The following GULP1 variants were observed in gnomAD, a reference collection of about 807,000 sequenced individuals.
The protein encoded by GULP1 is PTB domain-containing engulfment adapter protein 1.
A neutral mutation model predicts 40.9 loss-of-function variants in GULP1; 19 were observed. The observed-to-expected ratio is 0.46, with a 90% CI of 0.32 to 0.68. GULP1 has a LOEUF of 0.68. GULP1 is among the 30% of genes least tolerant of loss of function. The pLI is 0.03. For synonymous variants in GULP1, 119 were observed against 117.6 expected, an observed-to-expected ratio of 1.01 and a Z score of -0.08; for missense variants, 312 against 362.2, an observed-to-expected ratio of 0.86 and a Z score of 1.12.
At chr2:188,406,330 C>T (rs183056730) in intron 2 of GULP1, among the ~76,000 whole-genome samples, 1 of 152,188 alleles carries the variant, frequency 6.6e-6, no homozygotes, top group African/African-American at 2.4e-5. Context: ...AGTGAAAATA[C>T]TATATTATAA....
At chr2:188,560,176 TGAGTATAGCTTGTTA>T (rs1467819130) in intron 7 of GULP1, among the ~76,000 whole-genome samples, 3 of 152,194 alleles carry the variant, frequency 2.0e-5, no homozygotes, top group Non-Finnish European at 4.4e-5. Flanking sequence ...CTTATGCATA[TGAGTATAGCTTGTTA>T]GAAGCAGCCA....
In GULP1 at chr2:188,292,851, C is replaced by CG. The variant is rs2034081080; in HGVS notation, c.-172+690dup. 1 of 152,732 alleles carries CG rather than the reference C, an allele frequency of 6.5e-6. No homozygotes were observed. The highest frequency in any genetic ancestry group is 2.1e-4 in the South Asian group (1 of 4,830). The allele number at this position is 152,732 out of a possible 1,614,324, so 9.5% of individuals were successfully genotyped here. On this transcript the variant is annotated intron_variant, in intron 1 of 11. Transcript: ENST00000409830. The surrounding 1 kb of genome is among the most constrained non-coding windows in gnomAD (Gnocchi z 4.0). ...TTCTTCTGGAGGGCGCAAGGCGCGG[C>CG]GGGGGTGATGAGCCCTTGGGTTCTC...
chr2:188,415,278 G>T (rs145644543), intron 2 of GULP1, among the ~76,000 whole-genome samples: 2 of 152,102 alleles, frequency 1.3e-5, no homozygotes, highest in East Asian at 1.9e-4. Flanking sequence ...TAGAATGAAG[G>T]CTACTTTGGT....
intron 3 of GULP1, among the ~76,000 whole-genome samples, chr2:188,481,356 G>A (rs2061432700): frequency 6.6e-6 from 1 of 151,838 alleles, no homozygotes; most frequent in African/African-American, 2.4e-5. Flanking sequence ...TTTTGCCAAA[G>A]TATAAATTAG....
At chr2:188,452,990 C>CT (rs879545766) in intron 2 of GULP1, among the ~76,000 whole-genome samples, 192 of 144,898 alleles carry the variant, frequency 1.3e-3, no homozygotes, top group African/African-American at 1.9e-3. Context: ...TATATTTGCC[C>CT]TTTTTTTTTT....
intron 4 of GULP1, among the ~76,000 whole-genome samples, chr2:188,515,785 C>T (rs2065113379): frequency 6.6e-6 from 1 of 151,820 alleles, no homozygotes; most frequent in African/African-American, 2.4e-5. Context: ...TGATCGCTAC[C>T]CAGCACTTAG....
intron 1 of GULP1, among the ~76,000 whole-genome samples, chr2:188,323,535 C>A (rs2040297722): frequency 6.6e-6 from 1 of 151,660 alleles, no homozygotes; most frequent in African/African-American, 2.4e-5. Context: ...CTGAAGAATC[C>A]TCAATTTTTT....
chr2:188,446,373 A>T (rs1559250469), intron 2 of GULP1, among the ~76,000 whole-genome samples: 1 of 152,152 alleles, frequency 6.6e-6, no homozygotes, highest in Non-Finnish European at 1.5e-5. Flanking sequence ...TTATAAAATG[A>T]GATAATAAGA....
At chr2:188,310,215 A>T (rs34762706) in intron 1 of GULP1, among the ~76,000 whole-genome samples, 18,992 of 152,242 alleles carry the variant, frequency 0.12, 1,348 homozygotes, top group Middle Eastern at 0.17. Flanking sequence ...AGGGAAAAAG[A>T]GGAAAGGAAC....
chr2:188,541,537 C>T, intron 7 of GULP1: 1 of 595,486 alleles, frequency 1.7e-6, no homozygotes, highest in East Asian at 2.8e-5. Context: ...TGAGCATAAA[C>T]TTACATGTAA....
At chr2:188,520,292 C>T (rs1278880411) in intron 4 of GULP1, among the ~76,000 whole-genome samples, 1 of 151,864 alleles carries the variant, frequency 6.6e-6, no homozygotes, top group Non-Finnish European at 1.5e-5. Context: ...AATCCCAGCA[C>T]TTTGCGGGGC....
intron 2 of GULP1, among the ~76,000 whole-genome samples, chr2:188,449,352 C>T (rs928927240): frequency 2.0e-5 from 3 of 152,060 alleles, no homozygotes; most frequent in South Asian, 2.1e-4. Flanking sequence ...TTTCTTGTTT[C>T]GTCTTCCACA....
chr2:188,424,060 C>G (rs955362514), intron 2 of GULP1, among the ~76,000 whole-genome samples: 1 of 151,678 alleles, frequency 6.6e-6, no homozygotes, highest in African/African-American at 2.4e-5. Flanking sequence ...GCTCTTATTG[C>G]AGGAATCATT....
Position 188,483,494 on chromosome 2 carries a change from T to TA in GULP1, c.90+7dup. 7.8e-7 allele frequency: 1 copy of TA among 1,282,704 alleles called. No homozygotes were observed. The highest frequency in any genetic ancestry group is 1.1e-6 in the Non-Finnish European group (1 of 899,012). 79.5% of individuals were successfully genotyped at this position (1,282,704 alleles called of 1,614,324 possible). A position where few individuals can be genotyped will look rare whatever the true frequency, so the allele number is the denominator to read the frequency against. Reference sequence around the variant, plus strand: ...CATTTCATTCCCTATAATGCAAAGGTAAAAATAGTTCATTTATTATTTAAT... The same window carrying TA: ...CATTTCATTCCCTATAATGCAAAGGTAAAAAATAGTTCATTTATTATTTAAT... On this transcript the variant is annotated splice_region_variant and intron_variant, in intron 4 of 11. Coordinates refer to ENST00000409830, the MANE Select transcript of GULP1 (RefSeq NM_016315.4).
intron 1 of GULP1, among the ~76,000 whole-genome samples, chr2:188,362,908 T>G (rs2046286587): frequency 1.3e-5 from 2 of 151,620 alleles, no homozygotes; most frequent in East Asian, 1.9e-4. Flanking sequence ...TTCCAACCAG[T>G]GAAGGAGAAC....
intron 2 of GULP1, among the ~76,000 whole-genome samples, chr2:188,454,869 A>T (rs1483411890): frequency 1.3e-5 from 2 of 152,154 alleles, no homozygotes; most frequent in African/African-American, 4.8e-5. Flanking sequence ...CATGCCTATA[A>T]TTGCAGCGCT....
chr2:188,320,824 A>C (rs1031802646), intron 1 of GULP1, among the ~76,000 whole-genome samples: 5 of 152,042 alleles, frequency 3.3e-5, no homozygotes, highest in Admixed American at 1.3e-4. Flanking sequence ...GTAATGTTTT[A>C]ATAACAAAAA....
chr2:188,578,351 G>T (rs558893821), intron 9 of GULP1, among the ~76,000 whole-genome samples: 2 of 151,398 alleles, frequency 1.3e-5, no homozygotes, highest in East Asian at 3.9e-4. Flanking sequence ...AATGCACCAA[G>T]ACACTACTTA....
chr2:188,461,363 C>G (rs890810925), intron 2 of GULP1, among the ~76,000 whole-genome samples: 1 of 147,376 alleles, frequency 6.8e-6, no homozygotes, highest in Admixed American at 6.8e-5. Context: ...TCTTGTTGCC[C>G]AGGCTGGAGT....
Sources: gnomAD v4.1 joint callset for allele counts (sites outside exome capture counted in the v4.1 genomes callset) on GRCh38, gnomAD v4.1.1 for gene constraint, Gnocchi (gnomAD v3.1) non-coding constraint, MANE v1.5 for transcripts, NCBI Gene and HGNC (gene_info 2026-07-23, HGNC 2026-07-21) for gene names.